Variants in MAD1L1 observed in about 807,000 individuals in gnomAD.
MAD1L1 encodes mitotic spindle assembly checkpoint protein MAD1.
MAD1L1 carries 95 observed loss-of-function variants against 96.9 expected under a neutral mutation model. That is an observed-to-expected ratio of 0.98 (90% CI 0.83 to 1.16). The LOEUF is 1.16. Ranked by LOEUF, MAD1L1 falls within the 50% of genes most tolerant of loss-of-function variation. The pLI is 0.00. For missense variants in MAD1L1, 1,007 were observed against 954.4 expected, an observed-to-expected ratio of 1.06 and a Z score of -0.73; for synonymous variants, 473 against 396.6, an observed-to-expected ratio of 1.19 and a Z score of -2.29.
At chr7:2,176,024 G>C (rs1423340553) in intron 10 of MAD1L1, among the ~76,000 whole-genome samples, 1 of 152,208 alleles carries the variant, frequency 6.6e-6, no homozygotes, top group Non-Finnish European at 1.5e-5. Context: ...CATCCTGTCT[G>C]CATTGTACAT....
chr7:2,177,720 T>A (rs1396739175), intron 10 of MAD1L1, among the ~76,000 whole-genome samples: 1 of 152,216 alleles, frequency 6.6e-6, no homozygotes, highest in Non-Finnish European at 1.5e-5. Flanking sequence ...AGTAAGAAAT[T>A]AACCATTGCC....
At chr7:1,876,940 T>A (rs1785418051) in intron 18 of MAD1L1, among the ~76,000 whole-genome samples, 1 of 125,746 alleles carries the variant, frequency 8.0e-6, no homozygotes, top group South Asian at 2.6e-4. Flanking sequence ...CTCCTCCCAC[T>A]ACTGCCAGAA....
intron 11 of MAD1L1, among the ~76,000 whole-genome samples, chr7:2,131,988 C>A (rs573333555): frequency 6.6e-6 from 1 of 152,156 alleles, no homozygotes; most frequent in African/African-American, 2.4e-5. Context: ...GCCTCGTAGA[C>A]CCGCCGCGGC....
chr7:2,123,515 G>A lies in MAD1L1; in HGVS notation c.1073+25637C>T, dbSNP rs3800912. Among the ~76,000 whole-genome samples, 135 of 152,190 alleles carry A rather than the reference G, an allele frequency of 8.9e-4. 2 individuals are homozygous for A. The East Asian group carries it at 0.02, about 22-fold the overall frequency. On this transcript the variant is annotated intron_variant, in intron 11 of 18. Transcript: ENST00000265854. ...CTCTGTTTGCGCTTGAGCTGGTGAC[G>A]GTAGGGTTTCCTTCCCTGTCAAGCA...
At chr7:1,933,280 A>G (rs1789586173) in intron 17 of MAD1L1, among the ~76,000 whole-genome samples, 1 of 152,144 alleles carries the variant, frequency 6.6e-6, no homozygotes. Flanking sequence ...TTCCCCAGGG[A>G]GCGATCCATG....
intron 18 of MAD1L1, chr7:1,817,099 T>G (rs1302608657): frequency 3.9e-5 from 6 of 152,222 alleles, no homozygotes; most frequent in Non-Finnish European, 8.8e-5. Flanking sequence ...AATGAGCTCA[T>G]GCCAGGACGC....
At chr7:2,188,400 G>C (rs990938100) in intron 10 of MAD1L1, among the ~76,000 whole-genome samples, 1 of 152,196 alleles carries the variant, frequency 6.6e-6, no homozygotes, top group East Asian at 1.9e-4. Context: ...ATCTTGAAAA[G>C]TTAGAACAAA....
rs78529730 is a variant in MAD1L1 at position 2,229,875 on chromosome 7, C to T, written c.150+109G>A. On this transcript the variant is annotated intron_variant, in intron 3 of 18. Transcript: ENST00000265854. ...AGACCTGGGAGACGAATAGCTGTCT[C>T]TAGGCTCTGCTAATACCGACCCACC... 6,942 of 1,198,718 alleles carry T rather than the reference C, an allele frequency of 5.8e-3. 317 individuals carry two copies. In the African/African-American group the frequency reaches 0.091, roughly 16 times the overall value. The allele number at this position is 1,198,718 out of a possible 1,614,324, so 74.3% of individuals were successfully genotyped here. A position where few individuals can be genotyped will look rare whatever the true frequency, so the allele number is the denominator to read the frequency against.
intron 17 of MAD1L1, among the ~76,000 whole-genome samples, chr7:1,934,576 C>T (rs185729723): frequency 4.0e-5 from 6 of 150,628 alleles, no homozygotes; most frequent in East Asian, 2.0e-4. Flanking sequence ...AACAAACACA[C>T]GAGCGAACCC....
intron 17 of MAD1L1, among the ~76,000 whole-genome samples, chr7:1,913,444 G>GGGAGCGAAGGGAGTA (rs1554293312): frequency 5.8e-3 from 1 of 172 alleles, no homozygotes; most frequent in Non-Finnish European, 0.045. Flanking sequence ...GCCTGGAGAA[G>GGGAGCGAAGGGAGTA]GGAACCGTCG....
intron 18 of MAD1L1, among the ~76,000 whole-genome samples, chr7:1,885,287 C>T (rs1029289322): frequency 6.6e-6 from 1 of 152,200 alleles, no homozygotes; most frequent in South Asian, 2.1e-4. Context: ...CTCTCACATG[C>T]CCTCTGCCCA....
chr7:1,974,052 A>AC (rs1251271230), intron 15 of MAD1L1, among the ~76,000 whole-genome samples: 6 of 152,316 alleles, frequency 3.9e-5, no homozygotes, highest in Admixed American at 3.9e-4. Flanking sequence ...GTCACTCTGC[A>AC]CATCCTGCAT....
intron 11 of MAD1L1, among the ~76,000 whole-genome samples, chr7:2,089,658 C>T (rs113020215): frequency 5.3e-5 from 8 of 151,302 alleles, no homozygotes; most frequent in African/African-American, 1.7e-4. Context: ...TACCTGTCCC[C>T]GGGGCCCACC....
chr7:1,897,850 C>T (rs1786980737), intron 18 of MAD1L1, among the ~76,000 whole-genome samples: 1 of 152,232 alleles, frequency 6.6e-6, no homozygotes, highest in Non-Finnish European at 1.5e-5. Context: ...GGACTTCAGT[C>T]CTCCCCAGGC....
chr7:1,941,015 C>CCAGGCCTCACCCTCCTCTTCCTCCCCCCG (rs1778970231), intron 16 of MAD1L1, among the ~76,000 whole-genome samples: 5 of 150,986 alleles, frequency 3.3e-5, no homozygotes, highest in African/African-American at 2.4e-5. Flanking sequence ...CTCTTCCTCC[C>CCAGGCCTCACCCTCCTCTTCCTCCCCCCG]CAGGCTTCAA....
At chr7:1,911,362 T>A (rs1788005168) in intron 17 of MAD1L1, among the ~76,000 whole-genome samples, 1 of 152,048 alleles carries the variant, frequency 6.6e-6, no homozygotes, top group African/African-American at 2.4e-5. Context: ...GAGCCCAGCT[T>A]CGGAAGGGGA....
chr7:1,876,356 TCTC>T (rs1439289177), intron 18 of MAD1L1, among the ~76,000 whole-genome samples: 3 of 151,878 alleles, frequency 2.0e-5, no homozygotes, highest in Admixed American at 1.3e-4. Flanking sequence ...TTGTCTCTCT[TCTC>T]CTTCGCACAG....
Position 2,057,962 on chromosome 7 carries a change from G to A in MAD1L1, c.1218+11232C>T, listed in dbSNP as rs565619221. On this transcript the variant is annotated intron_variant, in intron 12 of 18. Transcript: ENST00000265854. The stretch of plus-strand genomic sequence containing the variant: ...GGAAAGGGGCATGGAGAGAAGCAGG[G>A]CCGGAGAGGGAGTGTGGCCAGAGGA... 7.9e-5 allele frequency among the ~76,000 whole-genome samples: 12 copies of A among 151,536 alleles called. 1 individual carries two copies. Among genetic ancestry groups the A allele is most frequent in the African/African-American group, 2.9e-4 (12 of 40,878 alleles).
At chr7:2,065,634 A>T (rs1416278475) in intron 12 of MAD1L1, among the ~76,000 whole-genome samples, 1 of 152,160 alleles carries the variant, frequency 6.6e-6, no homozygotes, top group African/African-American at 2.4e-5. Flanking sequence ...CAACAACTCC[A>T]GAAGACACAA....
Sources: allele counts gnomAD v4.1 joint callset (sites outside exome capture counted in the v4.1 genomes callset), GRCh38; gene constraint gnomAD v4.1.1; transcripts MANE v1.5; gene names NCBI Gene and HGNC (gene_info 2026-07-23, HGNC 2026-07-21).